INPP5A: variants seen among roughly 807,000 people sequenced by gnomAD.
INPP5A encodes the protein 43 kDa inositol polyphosphate 5-phophatase.
In INPP5A, 14 loss-of-function variants were observed where a neutral mutation model predicts 65.2. That is an observed-to-expected ratio of 0.21 (90% CI 0.14 to 0.34). The LOEUF is 0.34. Ranked by LOEUF, INPP5A falls within the 10% of genes least tolerant of loss-of-function variation. The probability of loss-of-function intolerance (pLI) is 1.00; values close to 1 mark genes in which losing one functional copy is unlikely to be tolerated. For synonymous variants in INPP5A, 207 were observed against 208.3 expected (o/e 0.99, Z 0.05); for missense variants, 431 against 545.6 (o/e 0.79, Z 2.09).
At position 132,589,443 on chromosome 10, in the gene INPP5A, C is replaced by T. The variant is rs897236835; in HGVS notation, c.76-18472C>T. Among the ~76,000 whole-genome samples, 4 of 152,260 alleles carry T rather than the reference C, an allele frequency of 2.6e-5. No homozygotes were observed. The East Asian group carries it at 5.8e-4, about 22-fold the overall frequency. ...AACCCTGAGGGTCCCTTTGCCAGGG[C>T]CTCCGGTAGGGGCCGCGGTCCAAGC... On this transcript the variant is annotated intron_variant, in intron 1 of 15. Transcript: ENST00000368594.
chr10:132,718,205 A>C (rs1328462926), intron 8 of INPP5A, among the ~76,000 whole-genome samples: 11 of 123,870 alleles, frequency 8.9e-5, no homozygotes, highest in African/African-American at 1.9e-4. Flanking sequence ...GGCTGTCTTC[A>C]GGGTTCTGTG....
At chr10:132,654,803 C>T (rs965431617) in intron 4 of INPP5A, among the ~76,000 whole-genome samples, 8 of 152,236 alleles carry the variant, frequency 5.3e-5, no homozygotes, top group Admixed American at 1.3e-4. Flanking sequence ...TCCCAGAAGG[C>T]GATTGAACCT....
chr10:132,637,339 G>A lies in INPP5A; in HGVS notation c.118-8529G>A, dbSNP rs138079324. On this transcript the variant is annotated intron_variant, in intron 2 of 15. Coordinates refer to ENST00000368594, the MANE Select transcript of INPP5A (RefSeq NM_005539.5). This position sits in a 1 kb window ranked among gnomAD's most constrained non-coding sequence, Gnocchi z 4.1. ...AGTGAGCCTTTCAGTGTATAAGTGC[G>A]GGTCTTTTTCTGTTTTGAAGTTTTC... Among the ~76,000 whole-genome samples, 251 of 151,728 alleles carry A rather than the reference G, an allele frequency of 1.7e-3. No homozygotes were observed. Among genetic ancestry groups the A allele is most frequent in the African/African-American group, 2.8e-3 (117 of 41,136 alleles).
intron 9 of INPP5A, among the ~76,000 whole-genome samples, chr10:132,732,764 T>G (rs1846108460): frequency 6.6e-6 from 1 of 152,172 alleles, no homozygotes; most frequent in Non-Finnish European, 1.5e-5. Flanking sequence ...CACCTCCACG[T>G]GGCCATGTCG....
chr10:132,654,784 G>A (rs567134357), intron 4 of INPP5A, among the ~76,000 whole-genome samples: 5 of 152,382 alleles, frequency 3.3e-5, no homozygotes, highest in African/African-American at 1.2e-4. Context: ...TCAGAAAATA[G>A]TGGCCTGTTC....
chr10:132,571,104 C>A (rs940270365), intron 1 of INPP5A, among the ~76,000 whole-genome samples: 16 of 152,398 alleles, frequency 1.0e-4, no homozygotes, highest in African/African-American at 3.8e-4. Flanking sequence ...ACCTGCTGGG[C>A]CCTCCTCACC....
rs762225399 is a variant in INPP5A at position 132,546,780 on chromosome 10, C to T, written c.75+8609C>T. 1.3e-5 allele frequency among the ~76,000 whole-genome samples: 2 copies of T among 152,202 alleles called. No individual in the cohort carries two copies. The highest frequency in any genetic ancestry group is 2.9e-5 in the Non-Finnish European group (2 of 68,044). On this transcript the variant is annotated intron_variant, in intron 1 of 15. Coordinates refer to ENST00000368594, the MANE Select transcript of INPP5A (RefSeq NM_005539.5). The surrounding 1 kb of genome is among the most constrained non-coding windows in gnomAD (Gnocchi z 5.7). ...TGTCCCCTTGTCCCCACCTGACCGC[C>T]CAGCCACTGTTCTCCCTGGCCCTTC...
At chr10:132,777,524 A>G in intron 12 of INPP5A, 147 bp from the exon 13 acceptor site, 1 of 672,572 alleles carries the variant, frequency 1.5e-6, no homozygotes, top group African/African-American at 1.8e-5. Context: ...TTGGTTTTAT[A>G]TTCTAGAAAC....
At chr10:132,563,547 G>A (rs981657046) in intron 1 of INPP5A, among the ~76,000 whole-genome samples, 1 of 152,212 alleles carries the variant, frequency 6.6e-6, no homozygotes, top group Non-Finnish European at 1.5e-5. Flanking sequence ...AATAGCAGGT[G>A]TGTTTGGGAA....
At chr10:132,558,980 G>C (rs1039826544) in intron 1 of INPP5A, among the ~76,000 whole-genome samples, 5 of 152,158 alleles carry the variant, frequency 3.3e-5, no homozygotes, top group African/African-American at 9.7e-5. Context: ...CAGCCAGCTG[G>C]AGCCTTCCTC....
chr10:132,662,855 G>A (rs115522614), intron 4 of INPP5A, among the ~76,000 whole-genome samples: 376 of 152,360 alleles, frequency 2.5e-3, no homozygotes, highest in African/African-American at 8.5e-3. Flanking sequence ...GGAACCTTCT[G>A]GAGCGACGGG....
At chr10:132,673,861 T>A (rs2072927193) in intron 4 of INPP5A, among the ~76,000 whole-genome samples, 1 of 152,192 alleles carries the variant, frequency 6.6e-6, no homozygotes, top group Non-Finnish European at 1.5e-5. Flanking sequence ...CAAGGAATGG[T>A]GCCATATCAA....
chr10:132,774,604 C>A (rs558820488), intron 12 of INPP5A, among the ~76,000 whole-genome samples: 95 of 152,270 alleles, frequency 6.2e-4, no homozygotes, highest in African/African-American at 2.2e-3. Flanking sequence ...TGCCGTCAGC[C>A]CTGCCCCAAG....
At position 132,575,177 on chromosome 10, in the gene INPP5A, C is replaced by T. The variant is rs984098831; in HGVS notation, c.76-32738C>T. Reference sequence around the variant, plus strand: ...TCTGTTGAATGCTGCATTCTTCCTCCGCAGGCTGGCGTTTGCACCGGCCTG... The same window carrying T: ...TCTGTTGAATGCTGCATTCTTCCTCTGCAGGCTGGCGTTTGCACCGGCCTG... On this transcript the variant is annotated intron_variant, in intron 1 of 15. Transcript: ENST00000368594. This position sits in a 1 kb window ranked among gnomAD's most constrained non-coding sequence, Gnocchi z 5.4. 3.9e-5 allele frequency among the ~76,000 whole-genome samples: 6 copies of T among 152,198 alleles called. No individual in the cohort carries two copies. The highest frequency in any genetic ancestry group is 7.3e-5 in the Non-Finnish European group (5 of 68,034).
At chr10:132,737,077 T>G (rs1846189708) in intron 9 of INPP5A, among the ~76,000 whole-genome samples, 1 of 152,180 alleles carries the variant, frequency 6.6e-6, no homozygotes. Context: ...AGGCCTGAGC[T>G]CCTAAAAACT....
At chr10:132,758,117 G>A (rs1419815568) in intron 11 of INPP5A, among the ~76,000 whole-genome samples, 10 of 129,370 alleles carry the variant, frequency 7.7e-5, no homozygotes, top group South Asian at 5.4e-4. Context: ...GTGGGTCCCC[G>A]GCCGACCCCA....
In INPP5A at chr10:132,627,290, C is replaced by T. The variant is rs1048118507; in HGVS notation, c.118-18578C>T. 2.0e-5 allele frequency among the ~76,000 whole-genome samples: 3 copies of T among 151,928 alleles called. No individual in the cohort carries two copies. Among genetic ancestry groups the T allele is most frequent in the African/African-American group, 7.3e-5 (3 of 41,242 alleles). On this transcript the variant is annotated intron_variant, in intron 2 of 15. Transcript: ENST00000368594. The surrounding 1 kb of genome is among the most constrained non-coding windows in gnomAD (Gnocchi z 6.6). Reference sequence around the variant, plus strand: ...GACCGAGGGAGGGGCTGAGGGTGGACAGGCTGGGAATACCTCACCTTGGGT... The same window carrying T: ...GACCGAGGGAGGGGCTGAGGGTGGATAGGCTGGGAATACCTCACCTTGGGT...
At position 132,697,706 on chromosome 10, in the gene INPP5A, C is replaced by A; in HGVS notation, c.371-110C>A. On this transcript the variant is annotated intron_variant, in intron 5 of 15. Transcript: ENST00000368594. The surrounding 1 kb of genome is among the most constrained non-coding windows in gnomAD (Gnocchi z 5.6). ...CTCATCAGGGCCTCCTCTCGGGGGG[C>A]CTCTCTGGCTCCCATCGGGCTGAAG... The A allele has an allele frequency of 1.4e-6, 1 of 737,380 alleles. No homozygotes were observed. Among genetic ancestry groups the A allele is most frequent in the Non-Finnish European group, 2.4e-6 (1 of 424,070 alleles). The allele number at this position is 737,380 out of a possible 1,614,324, so 45.7% of individuals were successfully genotyped here.
chr10:132,644,990 G>A lies in INPP5A; in HGVS notation c.118-878G>A, dbSNP rs904189933. On this transcript the variant is annotated intron_variant, in intron 2 of 15. Coordinates refer to ENST00000368594, the MANE Select transcript of INPP5A (RefSeq NM_005539.5). The surrounding 1 kb of genome is among the most constrained non-coding windows in gnomAD (Gnocchi z 6.5). ...ACCTGGAAGGAGGGGAGGCCATGTC[G>A]ATACTGCATCCGCTCTCTGAATTCT... 1.3e-5 allele frequency among the ~76,000 whole-genome samples: 2 copies of A among 152,134 alleles called. No individual in the cohort carries two copies. The highest frequency in any genetic ancestry group is 6.5e-5 in the Admixed American group (1 of 15,268).
Sources: gnomAD v4.1 joint callset for allele counts (sites outside exome capture counted in the v4.1 genomes callset) on GRCh38, gnomAD v4.1.1 for gene constraint, Gnocchi (gnomAD v3.1) non-coding constraint, MANE v1.5 for transcripts, NCBI Gene and HGNC (gene_info 2026-07-23, HGNC 2026-07-21) for gene names.